The following RCOR2 variants were observed in gnomAD, a reference collection of about 807,000 sequenced individuals.
RCOR2 encodes REST corepressor 2.
In RCOR2, 19 loss-of-function variants were observed where a neutral mutation model predicts 58.9. The observed-to-expected ratio is 0.32, with a 90% confidence interval of 0.23 to 0.47. The LOEUF is 0.47. Ranked by LOEUF, RCOR2 falls within the 20% of genes least tolerant of loss-of-function variation. RCOR2 has a pLI of 1.00. For missense variants in RCOR2, 590 were observed against 707.9 expected (o/e 0.83, Z 1.89); for synonymous variants, 286 against 278.7 (o/e 1.03, Z -0.26).
rs775363574 is a variant in RCOR2, at chr11:63,915,548, G to A, written c.184+7C>T. The A allele has an allele frequency of 1.4e-5, 22 of 1,556,186 alleles. No individual in the cohort carries two copies. Among genetic ancestry groups the A allele is most frequent in the Middle Eastern group, 3.8e-4 (2 of 5,280 alleles). On this transcript the variant is annotated splice_region_variant and intron_variant, in intron 2 of 11. Coordinates refer to ENST00000301459, the MANE Select transcript of RCOR2 (RefSeq NM_173587.4). Reference sequence around the variant, plus strand: ...CACCCCACTTCACAGCCTGTCCTGCGGCTCACCAGGCTTGCACTCCGGAAT... The same window carrying A: ...CACCCCACTTCACAGCCTGTCCTGCAGCTCACCAGGCTTGCACTCCGGAAT...
upstream of RCOR2, among the ~76,000 whole-genome samples, chr11:63,920,970 C>T (rs1221100260): frequency 6.6e-6 from 1 of 152,236 alleles, no homozygotes; most frequent in South Asian, 2.1e-4. Flanking sequence ...GGCACCACCC[C>T]GGCACGGTGG....
the RCOR2 span, among the ~76,000 whole-genome samples, chr11:63,922,233 C>T: frequency 6.6e-6 from 1 of 152,138 alleles, no homozygotes; most frequent in Admixed American, 6.5e-5. Flanking sequence ...TCTGTTACAG[C>T]AACACAAAAT....
At chr11:63,921,208 G>A (rs1941914034), upstream of RCOR2, among the ~76,000 whole-genome samples, 1 of 152,198 alleles carries the variant, frequency 6.6e-6, no homozygotes, top group Admixed American at 6.5e-5. Context: ...ATGAGGGGGA[G>A]CCTGCTTGGT....
At chr11:63,922,728 C>T in the RCOR2 span, among the ~76,000 whole-genome samples, 2 of 152,190 alleles carry the variant, frequency 1.3e-5, no homozygotes, top group Non-Finnish European at 2.9e-5. Flanking sequence ...CTATTGCCTT[C>T]CAGGAAAAGG....
chr11:63,915,472 A>G (rs982130647), intron 2 of RCOR2, 83 bp downstream of exon 2: 20 of 1,437,708 alleles, frequency 1.4e-5, no homozygotes, highest in Non-Finnish European at 1.8e-5. Flanking sequence ...AGGGGAGCCA[A>G]TCAAGGGCGC....
chr11:63,924,816 C>T, the RCOR2 span, among the ~76,000 whole-genome samples: 1 of 150,574 alleles, frequency 6.6e-6, no homozygotes, highest in Non-Finnish European at 1.5e-5. Flanking sequence ...CCTGAGTCAC[C>T]GTGATTACAG....
Position 63,911,907 on chromosome 11 carries a change from G to T in RCOR2, c.1530C>A (p.Thr510=), listed in dbSNP as rs1430921539. The T allele has an allele frequency of 3.8e-6, 5 of 1,332,148 alleles. No homozygotes were observed. Among genetic ancestry groups the T allele is most frequent in the Non-Finnish European group, 5.0e-6 (5 of 998,640 alleles). 82.5% of individuals were successfully genotyped at this position (1,332,148 alleles called of 1,614,324 possible). A position where few individuals can be genotyped will look rare whatever the true frequency, so the allele number is the denominator to read the frequency against. ...SARPGPQPPP[T]LIGTPLEPPA... is the part of the protein sequence containing the mutation. ...GGGGCTCCAGAGGGGTTCCAATCAG[G>T]GTGGGTGGGGGCTGAGGGCCAGGGC... is the stretch of plus-strand genomic sequence containing the variant. The change falls in exon 12 of 12, where the codon ACC becomes ACA. Residue 510 remains threonine (T), a synonymous_variant. Transcript: ENST00000301459.
In RCOR2 at chr11:63,912,605, GC is replaced by G. The variant is rs572930258; in HGVS notation, c.1027+70del. 4 of 1,577,740 alleles carry G rather than the reference GC, an allele frequency of 2.5e-6. No individual in the cohort carries two copies. The South Asian group carries it at 3.3e-5, about 13-fold the overall frequency. On this transcript the variant is annotated intron_variant, in intron 10 of 11. Coordinates refer to ENST00000301459, the MANE Select transcript of RCOR2 (RefSeq NM_173587.4). ...GTTACTTCCCTGACCCTTCCCCTCT[GC>G]CCCCCCACTCCTTGGAGGGTGGGGA...
upstream of RCOR2, among the ~76,000 whole-genome samples, chr11:63,918,151 G>A (rs1187423246): frequency 4.9e-5 from 6 of 122,742 alleles, no homozygotes; most frequent in Admixed American, 4.5e-4. Flanking sequence ...CCAGTCTCCT[G>A]GACACACCTC....
chr11:63,912,260 G>A lies in RCOR2; in HGVS notation c.1257+45C>T, dbSNP rs377341757. Reference sequence around the variant, plus strand: ...AAGGACCAAGGCGGCGCCTCACCTCGCCTCGCCTCTCCTCTCTGAGGGGTT... The same window carrying A: ...AAGGACCAAGGCGGCGCCTCACCTCACCTCGCCTCTCCTCTCTGAGGGGTT... On this transcript the variant is annotated intron_variant, in intron 11 of 11. Coordinates refer to ENST00000301459, the MANE Select transcript of RCOR2 (RefSeq NM_173587.4). 23 of 1,594,484 alleles carry A rather than the reference G, an allele frequency of 1.4e-5. No individual in the cohort carries two copies. The African/African-American group carries it at 2.3e-4, about 16-fold the overall frequency.
chr11:63,912,191 G>C lies in RCOR2; in HGVS notation c.1258-12C>G. ...GATGTAATCTGGACCTGAGGGGAGAGGAAAGAGTGAGAAGCCAGGCTCTTC... is the reference window on the plus strand; with the variant it reads ...GATGTAATCTGGACCTGAGGGGAGACGAAAGAGTGAGAAGCCAGGCTCTTC... On this transcript the variant is annotated splice_polypyrimidine_tract_variant and intron_variant, in intron 11 of 11. Transcript: ENST00000301459. The C allele has an allele frequency of 6.3e-7, 1 of 1,575,122 alleles. No homozygotes were observed. Among genetic ancestry groups the C allele is most frequent in the Non-Finnish European group, 8.6e-7 (1 of 1,161,522 alleles).
Position 63,914,078 on chromosome 11 carries a change from C to T in RCOR2, c.767G>A (p.Arg256Gln), listed in dbSNP as rs1465161218. 1.1e-5 allele frequency: 17 copies of T among 1,613,770 alleles called. No individual in the cohort carries two copies. Among genetic ancestry groups the T allele is most frequent in the Admixed American group, 1.7e-5 (1 of 59,986 alleles). ...SQYRHHPLRT[R>Q]RRPPKGMYLS... ...GTACATGCCCTTGGGTGGGCGACGCCGGGTTCGCAAGGGATGGTGGCGGTA... is the reference window on the plus strand; with the variant it reads ...GTACATGCCCTTGGGTGGGCGACGCTGGGTTCGCAAGGGATGGTGGCGGTA... Residue 256 changes from arginine to glutamine, a missense_variant, in exon 8 of 12, where the codon CGG (arginine) becomes CAG (glutamine). Physicochemically the swap from Arg to Gln is conservative, Grantham distance 43 (BLOSUM62 1). This residue lies in a region of RCOR2 where 390 missense variants were observed against 478.7 expected (regional missense o/e 0.81). Transcript: ENST00000301459.
chr11:63,917,943 C>T (rs1288022781), upstream of RCOR2, among the ~76,000 whole-genome samples: 1 of 152,064 alleles, frequency 6.6e-6, no homozygotes, highest in Non-Finnish European at 1.5e-5. Context: ...GCGGCACAGA[C>T]GGAGATGGGG....
chr11:63,913,945 G>A lies in RCOR2; in HGVS notation c.891+9C>T. 1.9e-6 allele frequency: 3 copies of A among 1,612,996 alleles called. No homozygotes were observed. Among genetic ancestry groups the A allele is most frequent in the East Asian group, 2.2e-5 (1 of 44,876 alleles). ...CTTTGCATAGCCCGTTCATTTCCCAGGGCCCCACCTGGCGCTTGAGGGAGA... is the reference window on the plus strand; with the variant it reads ...CTTTGCATAGCCCGTTCATTTCCCAAGGCCCCACCTGGCGCTTGAGGGAGA... On this transcript the variant is annotated intron_variant, in intron 8 of 11. Transcript: ENST00000301459.
chr11:63,916,224 A>T, intron 1 of RCOR2, 106 bp downstream of exon 1: 1 of 1,014,860 alleles, frequency 9.9e-7, no homozygotes, highest in Non-Finnish European at 1.4e-6. Flanking sequence ...CAGGAGAGGC[A>T]GGAGCCATCA....
At chr11:63,917,695 G>T (rs1448428022), upstream of RCOR2, among the ~76,000 whole-genome samples, 1 of 152,188 alleles carries the variant, frequency 6.6e-6, no homozygotes, top group Non-Finnish European at 1.5e-5. Flanking sequence ...GCTTCTGGTG[G>T]ATCTGTGGGT....
In RCOR2 at chr11:63,912,899, C is replaced by T. The variant is rs766109043; in HGVS notation, c.940G>A (p.Gly314Ser). ...GGGGGGCGTAGTGGATCAATACCGC[C>T]CTCCAGGGCTTGGCGCAGGCTGCTG... ...TNSSLRQALE[G>S]GIDPLRPPEA... The change falls in exon 9 of 12, where the codon GGC becomes AGC. Residue 314 changes from glycine (G) to serine (S), a missense_variant. Physicochemically the swap from Gly to Ser is moderately conservative, Grantham distance 56. Transcript: ENST00000301459. 1.9e-6 allele frequency: 3 copies of T among 1,613,630 alleles called. No individual in the cohort carries two copies. Among genetic ancestry groups the T allele is most frequent in the Admixed American group, 1.7e-5 (1 of 59,942 alleles).
At chr11:63,922,981 C>T in the RCOR2 span, among the ~76,000 whole-genome samples, 1 of 152,144 alleles carries the variant, frequency 6.6e-6, no homozygotes, top group Non-Finnish European at 1.5e-5. Context: ...CTGCTCTCCC[C>T]ACAGTCCCCC....
intron 1 of RCOR2, 39 bp downstream of exon 1, chr11:63,916,291 C>T (rs540961239): frequency 3.2e-6 from 5 of 1,557,270 alleles, no homozygotes; most frequent in East Asian, 2.3e-5. Flanking sequence ...CCGCTCCCCC[C>T]AGGCCGGCGC....
Sources: gnomAD v4.1 joint callset for allele counts (sites outside exome capture counted in the v4.1 genomes callset) on GRCh38, gnomAD v4.1.1 for gene constraint, gnomAD v4.1.1 regional missense constraint, MANE v1.5 for transcripts, NCBI Gene and HGNC (gene_info 2026-07-23, HGNC 2026-07-21) for gene names.